Variants in ARMH4 observed in about 807,000 individuals in gnomAD.
ARMH4 encodes the protein armadillo like helical domain containing 4.
A neutral mutation model predicts 61.9 loss-of-function variants in ARMH4; 49 were observed. The observed-to-expected ratio is 0.79, with a 90% CI of 0.63 to 1.00. ARMH4 has a LOEUF of 1.00. Ranked by LOEUF, ARMH4 falls within the 50% of genes least tolerant of loss-of-function variation. The pLI, the probability that ARMH4 is intolerant of heterozygous loss-of-function variation, is 0.00. For synonymous variants in ARMH4, 368 were observed against 341.5 expected (o/e 1.08, Z -0.85); for missense variants, 934 against 930.0 (o/e 1.00, Z -0.06).
At chr14:58,099,824 CAT>C (rs1174047593) in intron 4 of ARMH4, among the ~76,000 whole-genome samples, 1 of 152,198 alleles carries the variant, frequency 6.6e-6, no homozygotes, top group Admixed American at 6.5e-5. Flanking sequence ...TGGCTGCATG[CAT>C]AGACTCTGAA....
At chr14:58,072,057 C>T (rs1884898784) in intron 5 of ARMH4, among the ~76,000 whole-genome samples, 3 of 152,152 alleles carry the variant, frequency 2.0e-5, no homozygotes, top group Admixed American at 6.5e-5. Context: ...TATGATTATA[C>T]TAATCTTGCT....
At chr14:58,081,971 A>G (rs774420372) in intron 5 of ARMH4, among the ~76,000 whole-genome samples, 2 of 152,186 alleles carry the variant, frequency 1.3e-5, no homozygotes, top group Non-Finnish European at 2.9e-5. Context: ...AGATGCTAAA[A>G]TATAGGCAGG....
intron 5 of ARMH4, among the ~76,000 whole-genome samples, chr14:58,031,492 C>G (rs973451617): frequency 6.6e-6 from 1 of 152,134 alleles, no homozygotes; most frequent in East Asian, 1.9e-4. Flanking sequence ...AACACTGCAG[C>G]AAGTTACAAA....
chr14:58,030,043 C>T (rs1260636334), intron 5 of ARMH4, among the ~76,000 whole-genome samples: 1 of 152,196 alleles, frequency 6.6e-6, no homozygotes, highest in Non-Finnish European at 1.5e-5. Context: ...AGTTCTGATA[C>T]ATCTACAAAA....
In ARMH4 at chr14:58,064,751, G is replaced by T. The variant is rs140332115; in HGVS notation, c.2089+31973C>A. ...TAATTCAGAGCCAAAATAGATAAATGATATTGTTGATCAAGCAGGGTTAAC... is the reference window on the plus strand; with the variant it reads ...TAATTCAGAGCCAAAATAGATAAATTATATTGTTGATCAAGCAGGGTTAAC... On this transcript the variant is annotated intron_variant, in intron 5 of 7. Coordinates refer to ENST00000267485, the MANE Select transcript of ARMH4 (RefSeq NM_001001872.4). Among the ~76,000 whole-genome samples the T allele has an allele frequency of 7.6e-3, 1,161 of 152,244 alleles. 15 individuals are homozygous for T. Among genetic ancestry groups the T allele is most frequent in the African/African-American group, 0.026 (1,063 of 41,538 alleles).
chr14:58,105,306 A>C (rs994803735), intron 4 of ARMH4, among the ~76,000 whole-genome samples: 6 of 152,224 alleles, frequency 3.9e-5, no homozygotes, highest in African/African-American at 1.4e-4. Context: ...CTGAACCCCA[A>C]ATAAGAATGG....
Position 58,066,694 on chromosome 14 carries a change from G to A in ARMH4, c.2089+30030C>T, listed in dbSNP as rs144789338. ...AGCCAGAAGGAACGTCAGTATGTTC[G>A]CTTTTCCATGAGGAAAAACCAAAAA... On this transcript the variant is annotated intron_variant, in intron 5 of 7. Transcript: ENST00000267485. 2.6e-3 allele frequency among the ~76,000 whole-genome samples: 394 copies of A among 152,256 alleles called. 2 individuals are homozygous for A. Among genetic ancestry groups the A allele is most frequent in the African/African-American group, 9.2e-3 (384 of 41,546 alleles).
chr14:58,086,442 G>C (rs1594748592), intron 5 of ARMH4, among the ~76,000 whole-genome samples: 1 of 152,044 alleles, frequency 6.6e-6, no homozygotes, highest in Non-Finnish European at 1.5e-5. Flanking sequence ...ATGAGGTGAA[G>C]CTCTACCTGC....
At chr14:58,150,991 G>C (rs1366134534) in intron 1 of ARMH4, among the ~76,000 whole-genome samples, 2 of 152,202 alleles carry the variant, frequency 1.3e-5, no homozygotes, top group Non-Finnish European at 2.9e-5. Context: ...AAAATAAAGA[G>C]AAGGCATGTG....
chr14:58,112,286 C>CTTTTT (rs375451865), intron 4 of ARMH4, among the ~76,000 whole-genome samples: 137 of 133,364 alleles, frequency 1.0e-3, no homozygotes, highest in African/African-American at 3.7e-3. Context: ...CTTAATTTTT[C>CTTTTT]TTTTTTTTTT....
At chr14:58,054,595 G>A (rs1198175331) in intron 5 of ARMH4, among the ~76,000 whole-genome samples, 1 of 151,982 alleles carries the variant, frequency 6.6e-6, no homozygotes, top group Non-Finnish European at 1.5e-5. Context: ...TGAAAATTTG[G>A]ATATAAAATA....
At chr14:58,079,559 G>A (rs1885154587) in intron 5 of ARMH4, among the ~76,000 whole-genome samples, 1 of 152,094 alleles carries the variant, frequency 6.6e-6, no homozygotes, top group African/African-American at 2.4e-5. Context: ...CATAAATTTC[G>A]GGGGACACAT....
At chr14:58,010,985 T>G (rs992059485) in intron 6 of ARMH4, among the ~76,000 whole-genome samples, 1 of 152,056 alleles carries the variant, frequency 6.6e-6, no homozygotes, top group Non-Finnish European at 1.5e-5. Context: ...ACACTACCAA[T>G]GTAAATATAT....
Position 58,001,256 on chromosome 14 carries a change from A to G in ARMH4, c.*3480T>C, listed in dbSNP as rs1439614697. 3 of 152,138 alleles carry G rather than the reference A, an allele frequency of 2.0e-5. No homozygotes were observed. The highest frequency in any genetic ancestry group is 2.0e-4 in the Admixed American group (3 of 15,282). The allele number at this position is 152,138 out of a possible 1,614,324, so 9.4% of individuals were successfully genotyped here. ...CCACATTTTCTTTATCCATTCATCT[A>G]TTGATAGATATTTGCATATCTATCA... On this transcript the variant is annotated 3_prime_UTR_variant, in exon 8 of 8. Coordinates refer to ENST00000267485, the MANE Select transcript of ARMH4 (RefSeq NM_001001872.4).
chr14:58,056,722 C>A (rs933448884), intron 5 of ARMH4, among the ~76,000 whole-genome samples: 5 of 152,162 alleles, frequency 3.3e-5, no homozygotes, highest in Non-Finnish European at 5.9e-5. Context: ...GCCACACAAC[C>A]CCTCATCAGT....
At chr14:58,073,580 G>A (rs545076221) in intron 5 of ARMH4, among the ~76,000 whole-genome samples, 1 of 152,152 alleles carries the variant, frequency 6.6e-6, no homozygotes, top group South Asian at 2.1e-4. Flanking sequence ...GAAAGGATGG[G>A]TTTATTTACT....
Position 58,004,730 on chromosome 14 carries a change from T to C in ARMH4, c.*6A>G, listed in dbSNP as rs1439621786. The C allele has an allele frequency of 2.5e-6, 4 of 1,601,108 alleles. No homozygotes were observed. Among genetic ancestry groups the C allele is most frequent in the Non-Finnish European group, 3.4e-6 (4 of 1,169,660 alleles). ...GTTGAATATCCCAATTAAAACCCAG[T>C]CCAATTCAAAATTCATCTTCAGAGC... On this transcript the variant is annotated 3_prime_UTR_variant, in exon 8 of 8. Transcript: ENST00000267485.
intron 1 of ARMH4, among the ~76,000 whole-genome samples, chr14:58,142,912 C>T (rs1347999389): frequency 1.3e-5 from 2 of 152,052 alleles, no homozygotes; most frequent in African/African-American, 4.8e-5. Context: ...ACTTTTTCTA[C>T]GTGAGAAAAA....
chr14:58,138,522 G>A lies in ARMH4; in HGVS notation c.837C>T (p.Tyr279=). 1.2e-6 allele frequency: 2 copies of A among 1,614,240 alleles called. No individual in the cohort carries two copies. The highest frequency in any genetic ancestry group is 2.2e-5 in the East Asian group (1 of 44,880). ...CAGTTTCTGGCTCAACACTCAGGGT[G>A]TACTCGGAAGTTTCGAGTGGTTGCT... ...ATKQPLETSE[Y]TLSVEPETDS... is the part of the protein sequence containing the mutation. The change falls in exon 2 of 8, where the codon TAC becomes TAT. Residue 279 remains tyrosine (Y), a synonymous_variant. Coordinates refer to ENST00000267485, the MANE Select transcript of ARMH4 (RefSeq NM_001001872.4).
Sources: allele counts gnomAD v4.1 joint callset (sites outside exome capture counted in the v4.1 genomes callset), GRCh38; gene constraint gnomAD v4.1.1; transcripts MANE v1.5; gene names NCBI Gene and HGNC (gene_info 2026-07-23, HGNC 2026-07-21).